FAM153A: variants seen among roughly 807,000 people sequenced by gnomAD.
FAM153A encodes the protein protein FAM153A.
FAM153A carries 12 observed loss-of-function variants against 48.1 expected under a neutral mutation model. The ratio of observed to expected loss-of-function variants is 0.25; its 90% CI spans 0.16 to 0.40. FAM153A has a LOEUF of 0.40. Ranked by LOEUF, FAM153A falls within the 10% of genes least tolerant of loss-of-function variation. FAM153A has a pLI of 1.00. For synonymous variants in FAM153A, 36 were observed against 118.2 expected (o/e 0.30, Z 4.51); for missense variants, 111 against 345.8 (o/e 0.32, Z 5.38).
intron 4 of FAM153A, among the ~76,000 whole-genome samples, chr5:177,746,511 T>C (rs1315962022): frequency 6.6e-6 from 1 of 151,196 alleles, no homozygotes; most frequent in African/African-American, 2.5e-5. Flanking sequence ...GGTGATATAA[T>C]TCTAGCCAAA....
chr5:177,719,023 C>T (rs146818842), downstream of FAM153A, among the ~76,000 whole-genome samples: 1,730 of 151,568 alleles, frequency 0.011, 57 homozygotes, highest in African/African-American at 0.039. Context: ...TGGGACTACA[C>T]GCGTGCACCA....
chr5:177,768,381 C>T (rs1408337722), intron 1 of FAM153A, among the ~76,000 whole-genome samples: 4 of 151,900 alleles, frequency 2.6e-5, no homozygotes, highest in Admixed American at 2.0e-4. Flanking sequence ...GACTGACAAC[C>T]TTCAGCTCTT....
chr5:177,701,864 G>T, the FAM153A span, among the ~76,000 whole-genome samples: 37,056 of 151,394 alleles, frequency 0.24, 5,575 homozygotes, highest in South Asian at 0.37. Flanking sequence ...GGCTGATGAG[G>T]TCTCAAATGC....
chr5:177,711,609 ATG>A (rs1007284463), exon 27 of FAM153A: 1 of 151,962 alleles, frequency 6.6e-6, no homozygotes, highest in African/African-American at 2.4e-5. Flanking sequence ...ACATTGATAA[ATG>A]TGAATGATGT....
At chr5:177,702,968 T>C in the FAM153A span, among the ~76,000 whole-genome samples, 1 of 151,992 alleles carries the variant, frequency 6.6e-6, no homozygotes, top group African/African-American at 2.4e-5. Context: ...GGAGAACCTC[T>C]ACCAGGGCAG....
chr5:177,713,546 C>T (rs537796821), intron 26 of FAM153A, among the ~76,000 whole-genome samples: 2 of 151,530 alleles, frequency 1.3e-5, no homozygotes, highest in South Asian at 4.2e-4. Context: ...CGTGAGCAAC[C>T]GTGCTCGGTC....
chr5:177,700,817 A>G, the FAM153A span, among the ~76,000 whole-genome samples: 2 of 151,838 alleles, frequency 1.3e-5, no homozygotes, highest in Admixed American at 6.6e-5. Context: ...AAAACACCTC[A>G]GTTGCAGGAT....
chr5:177,743,190 G>GT (rs757108757), intron 6 of FAM153A, among the ~76,000 whole-genome samples: 302 of 75,490 alleles, frequency 4.0e-3, no homozygotes, highest in African/African-American at 0.013. Context: ...GCATTCACTT[G>GT]TTTTTTTTTT....
chr5:177,750,025 C>G (rs993084923), intron 2 of FAM153A: 6 of 148,550 alleles, frequency 4.0e-5, no homozygotes, highest in Non-Finnish European at 8.9e-5. Context: ...CCAACTAACC[C>G]TGTTCGATGA....
At chr5:177,758,717 A>C (rs1380647643) in intron 1 of FAM153A, among the ~76,000 whole-genome samples, 9 of 151,030 alleles carry the variant, frequency 6.0e-5, no homozygotes, top group African/African-American at 2.2e-4. Context: ...CAAAAACAAG[A>C]AATGGGGAAA....
downstream of FAM153A, among the ~76,000 whole-genome samples, chr5:177,704,539 G>A (rs1175351288): frequency 2.9e-5 from 4 of 136,922 alleles, no homozygotes; most frequent in Non-Finnish European, 6.2e-5. Context: ...GTTTGAGGTC[G>A]GGCATGGTGG....
At chr5:177,765,625 C>G (rs1393640970) in intron 1 of FAM153A, among the ~76,000 whole-genome samples, 1 of 126,300 alleles carries the variant, frequency 7.9e-6, no homozygotes, top group East Asian at 2.5e-4. Flanking sequence ...TTTGAAGCCC[C>G]GAGCTGGGCA....
downstream of FAM153A, among the ~76,000 whole-genome samples, chr5:177,719,531 A>G (rs1372551195): frequency 1.3e-5 from 2 of 150,718 alleles, no homozygotes; most frequent in Non-Finnish European, 2.9e-5. Flanking sequence ...AAGATAAACC[A>G]AGAGCTCTCA....
chr5:177,760,490 C>T (rs1226054165), intron 1 of FAM153A, among the ~76,000 whole-genome samples: 1 of 41,270 alleles, frequency 2.4e-5, no homozygotes, highest in Non-Finnish European at 4.4e-5. Flanking sequence ...CCCGCCTCGG[C>T]CTCCCAAAGT....
intron 25 of FAM153A, among the ~76,000 whole-genome samples, chr5:177,714,627 A>T: frequency 1.5e-5 from 1 of 66,982 alleles, no homozygotes; most frequent in South Asian, 6.2e-4. Context: ...CATGATGGGC[A>T]CACTTCCTCA....
chr5:177,728,219 A>G (rs2127609730), intron 18 of FAM153A, among the ~76,000 whole-genome samples: 1 of 103,292 alleles, frequency 9.7e-6, no homozygotes, highest in East Asian at 3.1e-4. Flanking sequence ...GAGCTTGGGA[A>G]ATTCAACTCT....
At chr5:177,743,631 C>G (rs1192667784) in intron 6 of FAM153A, among the ~76,000 whole-genome samples, 1 of 96,390 alleles carries the variant, frequency 1.0e-5, no homozygotes, top group Non-Finnish European at 2.1e-5. Flanking sequence ...TGAGGCTGCT[C>G]CAGGGTCTAA....
downstream of FAM153A, among the ~76,000 whole-genome samples, chr5:177,706,185 TA>T (rs1251951654): frequency 1.2e-4 from 14 of 118,006 alleles, no homozygotes; most frequent in Non-Finnish European, 2.2e-4. Context: ...TTGGAAAAAA[TA>T]TGTTTTTTTT....
At chr5:177,706,475 A>G (rs937974506), downstream of FAM153A, among the ~76,000 whole-genome samples, 3 of 152,022 alleles carry the variant, frequency 2.0e-5, no homozygotes, top group African/African-American at 7.3e-5. Flanking sequence ...CTGGGATTAC[A>G]GGCGTGAGCC....
Sources: gnomAD v4.1 joint callset for allele counts (sites outside exome capture counted in the v4.1 genomes callset) on GRCh38, gnomAD v4.1.1 for gene constraint, MANE v1.5 for transcripts, NCBI Gene and HGNC (gene_info 2026-07-23, HGNC 2026-07-21) for gene names.